The following HSD17B12 variants were observed in gnomAD, a reference collection of about 807,000 sequenced individuals.
HSD17B12 encodes the protein very-long-chain 3-oxoacyl-CoA reductase.
HSD17B12 carries 32 observed loss-of-function variants against 39.3 expected under a neutral mutation model. The ratio of observed to expected loss-of-function variants is 0.81; its 90% CI spans 0.61 to 1.09. The LOEUF (loss-of-function observed/expected upper bound fraction) is 1.09, where lower values mean the gene tolerates loss of function less well. Among genes scored for constraint, HSD17B12 ranks in the 50% least tolerant of loss-of-function variants. The pLI is 0.00. For synonymous variants in HSD17B12, 150 were observed against 146.7 expected, an observed-to-expected ratio of 1.02 and a Z score of -0.16; for missense variants, 342 against 382.9, an observed-to-expected ratio of 0.89 and a Z score of 0.89.
the HSD17B12 span, among the ~76,000 whole-genome samples, chr11:43,586,067 T>C: frequency 2.4e-3 from 358 of 152,318 alleles, no homozygotes; most frequent in Middle Eastern, 6.8e-3. Context: ...CAGCTGGGGC[T>C]CAACCCCAAG....
the HSD17B12 span, chr11:43,644,967 C>T: frequency 6.6e-6 from 1 of 152,200 alleles, no homozygotes; most frequent in African/African-American, 2.4e-5. Context: ...TTAAAACGAG[C>T]ACCAGGGTTG....
the HSD17B12 span, among the ~76,000 whole-genome samples, chr11:43,587,790 A>G: frequency 1.1e-4 from 16 of 152,314 alleles, no homozygotes; most frequent in East Asian, 9.6e-4. Flanking sequence ...GCTGGACAGT[A>G]TAAGATCACA....
At chr11:43,849,607 A>G (rs1951512316) in intron 9 of HSD17B12, among the ~76,000 whole-genome samples, 1 of 152,212 alleles carries the variant, frequency 6.6e-6, no homozygotes, top group African/African-American at 2.4e-5. Context: ...ATCTTTGGTT[A>G]TAAGTCACCA....
intron 1 of HSD17B12, among the ~76,000 whole-genome samples, chr11:43,699,915 G>A (rs985868011): frequency 6.6e-6 from 1 of 152,180 alleles, no homozygotes; most frequent in African/African-American, 2.4e-5. Flanking sequence ...CAAAACCACA[G>A]TGAGATATCA....
At chr11:43,616,444 C>G in the HSD17B12 span, among the ~76,000 whole-genome samples, 2 of 129,774 alleles carry the variant, frequency 1.5e-5, no homozygotes, top group Non-Finnish European at 3.4e-5. Context: ...AACAAACAAA[C>G]TATATTCAGC....
chr11:43,803,318 G>A (rs771818648), intron 4 of HSD17B12, among the ~76,000 whole-genome samples: 4 of 152,100 alleles, frequency 2.6e-5, no homozygotes, highest in Admixed American at 6.6e-5. Context: ...TCCCCATCCA[G>A]ATCCCACATA....
At chr11:43,619,242 T>TAA in the HSD17B12 span, among the ~76,000 whole-genome samples, 4 of 31,964 alleles carry the variant, frequency 1.3e-4, no homozygotes, top group African/African-American at 3.9e-4. Flanking sequence ...TATATATATA[T>TAA]AAAATATATA....
chr11:43,796,646 G>A (rs1950919065), intron 3 of HSD17B12, among the ~76,000 whole-genome samples: 1 of 152,214 alleles, frequency 6.6e-6, no homozygotes, highest in Non-Finnish European at 1.5e-5. Flanking sequence ...AGCAAATCCT[G>A]TGAGATGCAG....
upstream of HSD17B12, chr11:43,680,699 G>A (rs2134732405): frequency 2.6e-6 from 2 of 776,706 alleles, no homozygotes; most frequent in South Asian, 3.1e-5. Flanking sequence ...CGCGGGCGGG[G>A]TTTAGGCCCA....
chr11:43,854,059 A>ACACC (rs2135152679), intron 9 of HSD17B12: 1 of 152,338 alleles, frequency 6.6e-6, no homozygotes, highest in South Asian at 2.1e-4. Context: ...TTGTCACCCT[A>ACACC]CACCCATCCA....
At chr11:43,848,975 A>G (rs970658175) in intron 9 of HSD17B12, among the ~76,000 whole-genome samples, 2 of 152,166 alleles carry the variant, frequency 1.3e-5, no homozygotes, top group South Asian at 4.1e-4. Flanking sequence ...AACAGCCCCT[A>G]TAGCCTACTC....
chr11:43,796,243 T>A (rs1950915077), intron 3 of HSD17B12, among the ~76,000 whole-genome samples: 1 of 152,044 alleles, frequency 6.6e-6, no homozygotes, highest in African/African-American at 2.4e-5. Flanking sequence ...GAGGTGGGTA[T>A]CATGGTCTGA....
At chr11:43,673,432 T>C in the HSD17B12 span, 3 of 153,822 alleles carry the variant, frequency 2.0e-5, no homozygotes, top group East Asian at 1.9e-4. Context: ...AACAAAATAT[T>C]TCTAGAGACT....
At chr11:43,576,979 T>C in the HSD17B12 span, among the ~76,000 whole-genome samples, 1 of 152,030 alleles carries the variant, frequency 6.6e-6, no homozygotes, top group African/African-American at 2.4e-5. Flanking sequence ...CACGATTTAA[T>C]GGGCCATATC....
At chr11:43,808,289 GA>G (rs1951037758) in intron 4 of HSD17B12, among the ~76,000 whole-genome samples, 1 of 124,442 alleles carries the variant, frequency 8.0e-6, no homozygotes, top group East Asian at 3.7e-4. Flanking sequence ...TAGGTGCATG[GA>G]TTTTTTTTTT....
At chr11:43,807,686 T>C (rs1052247756) in intron 4 of HSD17B12, among the ~76,000 whole-genome samples, 2 of 152,210 alleles carry the variant, frequency 1.3e-5, no homozygotes, top group Non-Finnish European at 2.9e-5. Context: ...AGTAAGACTA[T>C]TTCAGAAGTG....
intron 6 of HSD17B12, chr11:43,829,743 C>T (rs1279937842): frequency 1.3e-5 from 2 of 151,916 alleles, no homozygotes; most frequent in East Asian, 3.9e-4. Context: ...AGTCTCCTTC[C>T]TTATTCTGTT....
chr11:43,591,965 T>C, the HSD17B12 span, among the ~76,000 whole-genome samples: 1 of 152,086 alleles, frequency 6.6e-6, no homozygotes, highest in Non-Finnish European at 1.5e-5. Flanking sequence ...ATAAATTCAT[T>C]CCTTAATTTG....
At chr11:43,721,105 T>C (rs1403316452) in intron 1 of HSD17B12, among the ~76,000 whole-genome samples, 2 of 151,812 alleles carry the variant, frequency 1.3e-5, no homozygotes, top group Non-Finnish European at 2.9e-5. Flanking sequence ...AGCAAGACAG[T>C]CATAGAGCTT....
Sources: allele counts gnomAD v4.1 joint callset (sites outside exome capture counted in the v4.1 genomes callset), GRCh38; gene constraint gnomAD v4.1.1; transcripts MANE v1.5; gene names NCBI Gene and HGNC (gene_info 2026-07-23, HGNC 2026-07-21).